RLN2: variants seen among roughly 807,000 people sequenced by gnomAD.
RLN2 encodes the protein prorelaxin H2.
In RLN2, 10 loss-of-function variants were observed where a neutral mutation model predicts 7.3. The observed-to-expected ratio is 1.36, with a 90% CI of 0.84 to 2.31. RLN2 has a LOEUF of 2.31. Ranked by LOEUF, RLN2 falls within the 30% of genes most tolerant of loss-of-function variation. The pLI is 0.00. For missense variants in RLN2, 298 were observed against 217.6 expected (o/e 1.37, Z -2.32); for synonymous variants, 103 against 82.3 (o/e 1.25, Z -1.36).
chr9:5,306,104 TTTTTG>T (rs1816245180), upstream of RLN2, among the ~76,000 whole-genome samples: 4 of 134,694 alleles, frequency 3.0e-5, no homozygotes, highest in South Asian at 4.5e-4. Flanking sequence ...TTGTTTTTGT[TTTTTG>T]TTTTTTTTTT....
At chr9:5,337,756 T>A in the RLN2 span, among the ~76,000 whole-genome samples, 1 of 152,086 alleles carries the variant, frequency 6.6e-6, no homozygotes, top group African/African-American at 2.4e-5. Context: ...TAAATTATAC[T>A]GCATAGCAAT....
At chr9:5,317,821 A>C in the RLN2 span, among the ~76,000 whole-genome samples, 1 of 152,028 alleles carries the variant, frequency 6.6e-6, no homozygotes, top group East Asian at 1.9e-4. Flanking sequence ...AGAGAAATGC[A>C]AACTAAAACC....
the RLN2 span, among the ~76,000 whole-genome samples, chr9:5,318,807 C>A: frequency 6.6e-6 from 1 of 151,932 alleles, no homozygotes; most frequent in African/African-American, 2.4e-5. Flanking sequence ...TAATTTATTT[C>A]TAACAATGTT....
chr9:5,311,109 C>A, the RLN2 span, among the ~76,000 whole-genome samples: 1 of 152,026 alleles, frequency 6.6e-6, no homozygotes. Context: ...GATAGGCCAT[C>A]ACCTGACTCA....
At chr9:5,319,643 A>G in the RLN2 span, among the ~76,000 whole-genome samples, 1 of 152,054 alleles carries the variant, frequency 6.6e-6, no homozygotes, top group South Asian at 2.1e-4. Flanking sequence ...CTATGGGATC[A>G]TTAGTCAAAG....
the RLN2 span, among the ~76,000 whole-genome samples, chr9:5,310,034 G>C: frequency 6.2e-4 from 94 of 152,102 alleles, 1 homozygote; most frequent in Non-Finnish European, 1.0e-3. Context: ...CTTTGAGGAG[G>C]GGGAGTGGAG....
the RLN2 span, among the ~76,000 whole-genome samples, chr9:5,318,794 A>C: frequency 2.0e-5 from 3 of 152,000 alleles, no homozygotes; most frequent in Non-Finnish European, 4.4e-5. Context: ...TCAAGGAATT[A>C]AGTAATTTAT....
the RLN2 span, among the ~76,000 whole-genome samples, chr9:5,336,866 G>C: frequency 6.6e-6 from 1 of 151,910 alleles, no homozygotes; most frequent in Admixed American, 6.6e-5. Context: ...AGGAAACCAC[G>C]ACCCTTCACC....
Position 5,299,878 on chromosome 9 carries a change from A to C in RLN2, c.*220T>G, listed in dbSNP as rs1335535167. On this transcript the variant is annotated 3_prime_UTR_variant, in exon 2 of 2. Transcript: ENST00000381627. ...GACAAAAAGGCTTTTCAGCAAAAAA[A>C]TGTGTCATTTAATCACACAAAGAAC... 5.2e-6 allele frequency: 2 copies of C among 387,642 alleles called. No homozygotes were observed. Among genetic ancestry groups the C allele is most frequent in the Non-Finnish European group, 9.2e-6 (2 of 218,136 alleles). The allele number at this position is 387,642 out of a possible 1,614,324, so 24.0% of individuals were successfully genotyped here.
chr9:5,311,630 G>T, the RLN2 span: 44 of 1,289,142 alleles, frequency 3.4e-5, no homozygotes, highest in Non-Finnish European at 4.1e-5. Flanking sequence ...AGCTGATGCT[G>T]GCAAGGAGGG....
At chr9:5,327,562 G>C in the RLN2 span, among the ~76,000 whole-genome samples, 1 of 152,176 alleles carries the variant, frequency 6.6e-6, no homozygotes, top group African/African-American at 2.4e-5. Context: ...GGTTCTCTCA[G>C]CACGGCATTC....
chr9:5,316,332 G>C, the RLN2 span, among the ~76,000 whole-genome samples: 10 of 151,514 alleles, frequency 6.6e-5, no homozygotes, highest in Non-Finnish European at 8.8e-5. Context: ...TACACTTTAA[G>C]TTCTGAATGT....
At chr9:5,310,591 T>G in the RLN2 span, among the ~76,000 whole-genome samples, 77 of 152,018 alleles carry the variant, frequency 5.1e-4, 1 homozygote, top group South Asian at 2.1e-4. Context: ...TTAATATTAT[T>G]ACCTTTTCTC....
At chr9:5,337,735 T>A in the RLN2 span, among the ~76,000 whole-genome samples, 1 of 152,054 alleles carries the variant, frequency 6.6e-6, no homozygotes, top group Non-Finnish European at 1.5e-5. Context: ...TTTTCTGAGG[T>A]TACTTTCAGT....
At position 5,304,389 on chromosome 9, in the gene RLN2, C is replaced by CT. The variant is rs774899036; in HGVS notation, c.191dup (p.Thr65AspfsTer3). 1.2e-6 allele frequency: 2 copies of CT among 1,604,342 alleles called. No individual in the cohort carries two copies. The highest frequency in any genetic ancestry group is 1.1e-5 in the South Asian group (1 of 90,470). On this transcript the variant is annotated frameshift_variant, in exon 1 of 2. Transcript: ENST00000381627. LOFTEE classifies it low-confidence loss of function (END_TRUNC). ...TCTCACCTGCCACTGGTCTAGGTGTCTGAGGAGCATCTTCCTGGCTCAGAG... is the reference window on the plus strand; with the variant it reads ...TCTCACCTGCCACTGGTCTAGGTGTCTTGAGGAGCATCTTCCTGGCTCAGAG...
chr9:5,311,346 A>C, the RLN2 span: 14 of 416,870 alleles, frequency 3.4e-5, no homozygotes, highest in Non-Finnish European at 4.5e-5. Flanking sequence ...CATAAACCTC[A>C]CTGGAACTAA....
the RLN2 span, among the ~76,000 whole-genome samples, chr9:5,311,894 T>C: frequency 6.6e-6 from 1 of 151,998 alleles, no homozygotes; most frequent in South Asian, 2.1e-4. Context: ...GTTACATATG[T>C]ATACATGTGC....
At chr9:5,334,166 C>G in the RLN2 span, among the ~76,000 whole-genome samples, 1 of 151,938 alleles carries the variant, frequency 6.6e-6, no homozygotes, top group African/African-American at 2.4e-5. Context: ...GAAGTTCTAG[C>G]CAGGTCAGTC....
At chr9:5,322,131 G>A in the RLN2 span, among the ~76,000 whole-genome samples, 3 of 151,950 alleles carry the variant, frequency 2.0e-5, no homozygotes, top group African/African-American at 7.3e-5. Context: ...ATCAGTGGAT[G>A]GACAGCAAAA....
Sources: gnomAD v4.1 joint callset for allele counts (sites outside exome capture counted in the v4.1 genomes callset) on GRCh38, gnomAD v4.1.1 for gene constraint, MANE v1.5 for transcripts, NCBI Gene and HGNC (gene_info 2026-07-23, HGNC 2026-07-21) for gene names.